Variants in PHF14 observed in about 807,000 individuals in gnomAD.
PHF14 encodes PHD finger protein 14.
PHF14 carries 55 observed loss-of-function variants against 117.9 expected under a neutral mutation model. The ratio of observed to expected loss-of-function variants is 0.47; its 90% CI spans 0.38 to 0.58. PHF14 has a LOEUF of 0.58. PHF14 is among the 20% of genes least tolerant of loss of function. PHF14 has a pLI of 0.00. For synonymous variants in PHF14, 409 were observed against 368.6 expected, an observed-to-expected ratio of 1.11 and a Z score of -1.26; for missense variants, 978 against 1,122.2, an observed-to-expected ratio of 0.87 and a Z score of 1.84.
At chr7:11,029,326 G>A (rs184582478) in intron 7 of PHF14, among the ~76,000 whole-genome samples, 31 of 152,144 alleles carry the variant, frequency 2.0e-4, no homozygotes, top group Non-Finnish European at 4.0e-4. Flanking sequence ...GTTAAGATTC[G>A]TTCAAGTATT....
intron 16 of PHF14, chr7:11,104,567 C>T (rs1200540824): frequency 3.1e-6 from 3 of 982,456 alleles, no homozygotes; most frequent in Non-Finnish European, 3.6e-6. Context: ...TTGTTTATCA[C>T]ACAGTAGGGA....
chr7:11,015,566 C>G (rs1480747362), intron 5 of PHF14, among the ~76,000 whole-genome samples: 2 of 151,760 alleles, frequency 1.3e-5, no homozygotes, highest in Non-Finnish European at 2.9e-5. Context: ...TGTTTGGATT[C>G]TAGTCTTTTT....
chr7:11,059,903 C>T (rs948714685), intron 14 of PHF14, among the ~76,000 whole-genome samples: 1 of 152,042 alleles, frequency 6.6e-6, no homozygotes, highest in Admixed American at 6.6e-5. Context: ...AAAGTCTCGT[C>T]CTGTTGCTCA....
chr7:11,023,546 A>T (rs978366869), intron 6 of PHF14, among the ~76,000 whole-genome samples: 1 of 152,174 alleles, frequency 6.6e-6, no homozygotes, highest in Non-Finnish European at 1.5e-5. Context: ...AATTTGGCCA[A>T]TTAGGGCTGG....
At chr7:11,033,197 A>G (rs1041854794) in intron 7 of PHF14, among the ~76,000 whole-genome samples, 29 of 152,330 alleles carry the variant, frequency 1.9e-4, no homozygotes, top group Admixed American at 1.6e-3. Flanking sequence ...TAATTAGGAC[A>G]TTATTTTGAC....
At chr7:10,986,176 A>G (rs1400195690) in intron 3 of PHF14, among the ~76,000 whole-genome samples, 6 of 145,794 alleles carry the variant, frequency 4.1e-5, no homozygotes, top group Non-Finnish European at 3.0e-5. Flanking sequence ...TAGAGATGGT[A>G]TATCACTATG....
At chr7:11,123,804 G>A (rs745571406) in intron 17 of PHF14, among the ~76,000 whole-genome samples, 4 of 147,178 alleles carry the variant, frequency 2.7e-5, no homozygotes, top group Non-Finnish European at 4.4e-5. Context: ...AGCAGAGATC[G>A]TGCCACTACA....
At chr7:11,131,099 T>C (rs976237070) in intron 17 of PHF14, among the ~76,000 whole-genome samples, 13 of 151,950 alleles carry the variant, frequency 8.6e-5, no homozygotes, top group Admixed American at 2.6e-4. Flanking sequence ...AACAGTCTTG[T>C]TTGTTTCCAA....
chr7:11,097,105 A>T (rs1347498543), intron 16 of PHF14, among the ~76,000 whole-genome samples: 1 of 148,304 alleles, frequency 6.7e-6, no homozygotes, highest in East Asian at 2.0e-4. Context: ...TCAGCCTCCC[A>T]AGTAGCTGGG....
intron 6 of PHF14, among the ~76,000 whole-genome samples, chr7:11,025,245 G>A (rs561358746): frequency 2.0e-4 from 30 of 152,302 alleles, no homozygotes; most frequent in South Asian, 1.2e-3. Context: ...TCATGGATGA[G>A]TGAAGAAAGT....
chr7:11,024,772 G>T (rs1783853892), intron 6 of PHF14, among the ~76,000 whole-genome samples: 1 of 152,170 alleles, frequency 6.6e-6, no homozygotes. Context: ...GCACCTGGTG[G>T]TCACCCAAGA....
At chr7:11,110,597 ACTAT>A in intron 16 of PHF14, 6 of 814,898 alleles carry the variant, frequency 7.4e-6, no homozygotes, top group Non-Finnish European at 7.4e-6. Context: ...TGGCAAAGAC[ACTAT>A]CAAAACATAA....
intron 4 of PHF14, among the ~76,000 whole-genome samples, chr7:11,004,246 CAAAAAAA>C (rs55917513): frequency 3.9e-5 from 2 of 51,264 alleles, no homozygotes; most frequent in African/African-American, 7.2e-5. Flanking sequence ...GACTTTGTCT[CAAAAAAA>C]AAAAAAAAAA....
chr7:11,046,332 C>T (rs912782318), intron 13 of PHF14, among the ~76,000 whole-genome samples: 21 of 152,276 alleles, frequency 1.4e-4, no homozygotes, highest in African/African-American at 4.6e-4. Context: ...TTTCTGCCTC[C>T]ACTCATCTGA....
chr7:11,028,348 G>T (rs1783997224), intron 6 of PHF14, among the ~76,000 whole-genome samples: 1 of 152,170 alleles, frequency 6.6e-6, no homozygotes, highest in South Asian at 2.1e-4. Context: ...AAAATTAGAA[G>T]TGGAACTGTT....
chr7:11,128,217 A>T (rs938308632), intron 17 of PHF14, among the ~76,000 whole-genome samples: 23 of 152,144 alleles, frequency 1.5e-4, no homozygotes, highest in African/African-American at 5.5e-4. Context: ...TCCTTATCAG[A>T]TTTCTTATAG....
At chr7:11,127,496 A>G (rs960740944) in intron 17 of PHF14, among the ~76,000 whole-genome samples, 2 of 152,096 alleles carry the variant, frequency 1.3e-5, no homozygotes, top group African/African-American at 4.8e-5. Context: ...AAGCTCAGAA[A>G]GAACAGCCAT....
chr7:11,146,109 C>T (rs1788543496), intron 17 of PHF14, among the ~76,000 whole-genome samples: 1 of 151,924 alleles, frequency 6.6e-6, no homozygotes, highest in South Asian at 2.1e-4. Context: ...GTCAGAATTC[C>T]TCCAATAGAA....
chr7:11,071,315 A>G (rs1215417285), intron 16 of PHF14: 1 of 517,306 alleles, frequency 1.9e-6, no homozygotes, highest in Admixed American at 1.9e-5. Context: ...GCTCCTGTGT[A>G]ACATACTCAG....
Sources: gnomAD v4.1 joint callset for allele counts (sites outside exome capture counted in the v4.1 genomes callset) on GRCh38, gnomAD v4.1.1 for gene constraint, MANE v1.5 for transcripts, NCBI Gene and HGNC (gene_info 2026-07-23, HGNC 2026-07-21) for gene names.